SLC36A4: variants seen among roughly 807,000 people sequenced by gnomAD.
SLC36A4 encodes solute carrier family 36 member 4, also known as neutral amino acid uniporter 4.
In SLC36A4, 49 loss-of-function variants were observed where a neutral mutation model predicts 50.5. The ratio of observed to expected loss-of-function variants is 0.97; its 90% CI spans 0.77 to 1.23. The LOEUF (loss-of-function observed/expected upper bound fraction) is 1.23. SLC36A4 is among the 50% of genes most tolerant of loss of function. The probability of loss-of-function intolerance (pLI) is 0.00; values close to 1 mark genes in which losing one functional copy is unlikely to be tolerated. For missense variants in SLC36A4, 611 were observed against 608.4 expected (o/e 1.00, Z -0.05); for synonymous variants, 207 against 206.5 (o/e 1.00, Z -0.02).
chr11:93,185,455 C>G (rs960922265), intron 2 of SLC36A4: 9 of 333,212 alleles, frequency 2.7e-5, no homozygotes, highest in Non-Finnish European at 4.3e-5. Flanking sequence ...TTAATCAGAT[C>G]TCCCTTCTTT....
intron 2 of SLC36A4, 183 bp downstream of exon 2, chr11:93,185,508 C>T: frequency 2.1e-6 from 1 of 476,224 alleles, no homozygotes; most frequent in Non-Finnish European, 3.6e-6. Flanking sequence ...TCCAGTAATT[C>T]CTATACACTG....
intron 6 of SLC36A4, among the ~76,000 whole-genome samples, 177 bp from the exon 7 acceptor site, chr11:93,168,348 T>C (rs570855667): frequency 2.0e-5 from 3 of 152,232 alleles, no homozygotes; most frequent in Non-Finnish European, 4.4e-5. Context: ...TAGAAACATA[T>C]GTATCAAATA....
Position 93,156,576 on chromosome 11 carries a change from C to A in SLC36A4, c.1038-2299G>T, listed in dbSNP as rs540408340. On this transcript the variant is annotated intron_variant, in intron 9 of 10. Coordinates refer to ENST00000326402, the MANE Select transcript of SLC36A4 (RefSeq NM_152313.4). Reference sequence around the variant, plus strand: ...CTGGGACTACAGGCGCCTGCCACCACACCTGGCTAATTTTTGTATTTTTAG... The same window carrying A: ...CTGGGACTACAGGCGCCTGCCACCAAACCTGGCTAATTTTTGTATTTTTAG... 1.2e-3 allele frequency among the ~76,000 whole-genome samples: 189 copies of A among 152,106 alleles called. 1 individual carries two copies. The highest frequency in any genetic ancestry group is 4.3e-3 in the African/African-American group (177 of 41,512).
intron 6 of SLC36A4, among the ~76,000 whole-genome samples, chr11:93,178,000 T>C (rs982688377): frequency 1.1e-4 from 16 of 152,204 alleles, no homozygotes; most frequent in African/African-American, 3.9e-4. Context: ...ACAGGCCTCC[T>C]TGAGCTGCGG....
At chr11:93,152,787 C>T (rs1267474876) in intron 10 of SLC36A4, 2 of 152,108 alleles carry the variant, frequency 1.3e-5, no homozygotes, top group Non-Finnish European at 2.9e-5. Context: ...AGACGATATA[C>T]TTTCAGAATA....
At chr11:93,190,202 A>T (rs368840552) in intron 1 of SLC36A4, among the ~76,000 whole-genome samples, 58 of 152,272 alleles carry the variant, frequency 3.8e-4, no homozygotes, top group African/African-American at 1.3e-3. Context: ...ATTTGCTTTA[A>T]ATTCATCTCA....
At chr11:93,180,219 AT>A in intron 6 of SLC36A4, 1 of 985,000 alleles carries the variant, frequency 1.0e-6, no homozygotes, top group Non-Finnish European at 1.2e-6. Flanking sequence ...TGATGGAGGG[AT>A]TTTTTATTTC....
chr11:93,194,565 C>T (rs1224879641), intron 1 of SLC36A4, among the ~76,000 whole-genome samples: 1 of 152,130 alleles, frequency 6.6e-6, no homozygotes, highest in African/African-American at 2.4e-5. Context: ...TACATAAATA[C>T]CCATTTTTGG....
Position 93,182,909 on chromosome 11 carries a change from A to T in SLC36A4, c.271-15T>A. 1 of 1,577,288 alleles carries T rather than the reference A, an allele frequency of 6.3e-7. No individual in the cohort carries two copies. Among genetic ancestry groups the T allele is most frequent in the Non-Finnish European group, 8.7e-7 (1 of 1,154,060 alleles). ...ATTGGTCCAAGCTGTGGGGAAAAAA[A>T]ATTTATAAGGTTTAAATATTTAACA... On this transcript the variant is annotated splice_polypyrimidine_tract_variant and intron_variant, in intron 3 of 10. Transcript: ENST00000326402.
At position 93,185,691 on chromosome 11, in the gene SLC36A4, G is replaced by A. The variant is rs765551696; in HGVS notation, c.179C>T (p.Ser60Leu). The change falls in exon 2 of 11, where the codon TCA (serine) becomes TTA (leucine). Residue 60 changes from serine (S) to leucine (L), a missense_variant and splice_region_variant. Coordinates refer to ENST00000326402, the MANE Select transcript of SLC36A4 (RefSeq NM_152313.4). ...HYQLDDQEGI[S>L]FVQTLMHLLK... ...GAGACTTATAAACCATAACACTTAC[G>A]AAATGCCCTCTTGATCATCAAGTTG... The A allele has an allele frequency of 8.2e-6, 13 of 1,582,052 alleles. No individual in the cohort carries two copies. The highest frequency in any genetic ancestry group is 1.2e-5 in the South Asian group (1 of 84,954).
At chr11:93,189,544 A>AT (rs1204155685) in intron 1 of SLC36A4, among the ~76,000 whole-genome samples, 2 of 152,292 alleles carry the variant, frequency 1.3e-5, no homozygotes, top group East Asian at 3.9e-4. Flanking sequence ...TTATTCCTAA[A>AT]TGTACTCCAC....
chr11:93,191,781 C>T (rs1224766604), intron 1 of SLC36A4, among the ~76,000 whole-genome samples: 1 of 152,086 alleles, frequency 6.6e-6, no homozygotes, highest in Non-Finnish European at 1.5e-5. Flanking sequence ...TATAGGCGAA[C>T]ACATTAAGGA....
chr11:93,189,120 T>C (rs1862108000), intron 1 of SLC36A4, among the ~76,000 whole-genome samples: 1 of 151,742 alleles, frequency 6.6e-6, no homozygotes, highest in Admixed American at 6.6e-5. Context: ...TGGAGTACAA[T>C]GGTGCGATCT....
chr11:93,162,620 A>G lies in SLC36A4; in HGVS notation c.1037+86T>C, dbSNP rs933269842. ...AGTAAAAATTTTAAATGTTTAAACCATAAATCCAAGAACACGACTTTATCA... is the reference window on the plus strand; with the variant it reads ...AGTAAAAATTTTAAATGTTTAAACCGTAAATCCAAGAACACGACTTTATCA... On this transcript the variant is annotated intron_variant, in intron 9 of 10. Coordinates refer to ENST00000326402, the MANE Select transcript of SLC36A4 (RefSeq NM_152313.4). The G allele has an allele frequency of 1.3e-5, 15 of 1,198,462 alleles. No individual in the cohort carries two copies. In the Admixed American group the frequency reaches 1.5e-4, roughly 12 times the overall value. 74.2% of individuals were successfully genotyped at this position (1,198,462 alleles called of 1,614,324 possible).
At chr11:93,164,638 C>T (rs1045717442) in intron 8 of SLC36A4, among the ~76,000 whole-genome samples, 2 of 152,036 alleles carry the variant, frequency 1.3e-5, no homozygotes, top group African/African-American at 4.8e-5. Flanking sequence ...TAATCCAGAG[C>T]AGAAATACAG....
At chr11:93,157,442 C>T (rs868409949) in intron 9 of SLC36A4, among the ~76,000 whole-genome samples, 9 of 152,226 alleles carry the variant, frequency 5.9e-5, no homozygotes, top group Middle Eastern at 3.4e-3. Context: ...GGCAGTGTGG[C>T]TATTTTTATG....
chr11:93,154,539 T>A (rs1417651248), intron 9 of SLC36A4: 3 of 189,180 alleles, frequency 1.6e-5, no homozygotes, highest in Non-Finnish European at 3.2e-5. Flanking sequence ...AAGATTTCAC[T>A]TTGGGATAAG....
chr11:93,191,440 T>C (rs1243211885), intron 1 of SLC36A4, among the ~76,000 whole-genome samples: 2 of 152,146 alleles, frequency 1.3e-5, no homozygotes, highest in Non-Finnish European at 2.9e-5. Context: ...GCTTGATAAG[T>C]TTTCTAATCA....
intron 6 of SLC36A4, among the ~76,000 whole-genome samples, chr11:93,176,869 G>A (rs1861499742): frequency 6.6e-6 from 1 of 152,058 alleles, no homozygotes; most frequent in Non-Finnish European, 1.5e-5. Context: ...CTTTCTCTCT[G>A]GCTGCCCTTA....
Sources: allele counts gnomAD v4.1 joint callset (sites outside exome capture counted in the v4.1 genomes callset), GRCh38; gene constraint gnomAD v4.1.1; transcripts MANE v1.5; gene names NCBI Gene and HGNC (gene_info 2026-07-23, HGNC 2026-07-21).